The following NCALD variants were observed in gnomAD, a reference collection of about 807,000 sequenced individuals.
NCALD encodes the protein neurocalcin-delta.
A neutral mutation model predicts 18.6 loss-of-function variants in NCALD; 10 were observed. That is an observed-to-expected ratio of 0.54 (90% confidence interval 0.33 to 0.91). The LOEUF (loss-of-function observed/expected upper bound fraction) is 0.91, where lower values mean the gene tolerates loss of function less well. Ranked by LOEUF, NCALD falls within the 40% of genes least tolerant of loss-of-function variation. NCALD has a pLI of 0.03. For missense variants in NCALD, 184 were observed against 247.6 expected, an observed-to-expected ratio of 0.74 and a Z score of 1.72; for synonymous variants, 88 against 87.4, an observed-to-expected ratio of 1.01 and a Z score of -0.04.
intron 2 of NCALD, among the ~76,000 whole-genome samples, chr8:102,009,103 T>C (rs1402338477): frequency 6.6e-6 from 1 of 152,258 alleles, no homozygotes; most frequent in African/African-American, 2.4e-5. Context: ...TACTCCATTG[T>C]GGCTCAAATA....
intron 2 of NCALD, among the ~76,000 whole-genome samples, chr8:101,928,176 C>T (rs1001449281): frequency 2.0e-5 from 3 of 152,160 alleles, no homozygotes; most frequent in African/African-American, 4.8e-5. Flanking sequence ...TCTCAATGAT[C>T]GCGCGATGTA....
intron 4 of NCALD, among the ~76,000 whole-genome samples, chr8:101,814,536 T>G (rs1171376081): frequency 6.6e-6 from 1 of 152,006 alleles, no homozygotes; most frequent in East Asian, 1.9e-4. Flanking sequence ...GCATCATACT[T>G]AAGATGATAA....
chr8:101,905,383 C>G (rs1168892149), intron 3 of NCALD, among the ~76,000 whole-genome samples: 1 of 151,752 alleles, frequency 6.6e-6, no homozygotes, highest in East Asian at 1.9e-4. Context: ...TATTTCTTCC[C>G]TTCTCCAGCC....
intron 4 of NCALD, among the ~76,000 whole-genome samples, chr8:101,848,041 T>C (rs971052375): frequency 6.6e-6 from 1 of 151,926 alleles, no homozygotes; most frequent in African/African-American, 2.4e-5. Flanking sequence ...TAAAGAGACT[T>C]TGGGGGTTGA....
chr8:102,062,972 A>C (rs1823895042), intron 1 of NCALD, among the ~76,000 whole-genome samples: 1 of 152,194 alleles, frequency 6.6e-6, no homozygotes, highest in African/African-American at 2.4e-5. Flanking sequence ...TTTAAAGAAA[A>C]AAAAATCCTC....
chr8:102,007,179 T>C (rs1821744226), intron 2 of NCALD, among the ~76,000 whole-genome samples: 1 of 152,200 alleles, frequency 6.6e-6, no homozygotes, highest in African/African-American at 2.4e-5. Flanking sequence ...ATTGGTGAAA[T>C]CTGAATAGTC....
intron 2 of NCALD, among the ~76,000 whole-genome samples, chr8:101,943,881 C>CA (rs1269955265): frequency 1.3e-5 from 2 of 151,776 alleles, no homozygotes; most frequent in Admixed American, 6.6e-5. Flanking sequence ...GCGGAGGTTG[C>CA]AGTGAGCCGA....
At chr8:102,028,159 G>A (rs1207253472) in intron 1 of NCALD, among the ~76,000 whole-genome samples, 2 of 152,166 alleles carry the variant, frequency 1.3e-5, no homozygotes, top group Admixed American at 6.5e-5. Flanking sequence ...GTATTCAAGG[G>A]TGAAGTATCA....
intron 2 of NCALD, among the ~76,000 whole-genome samples, chr8:101,953,580 G>A (rs1159567692): frequency 6.6e-6 from 1 of 152,180 alleles, no homozygotes; most frequent in Non-Finnish European, 1.5e-5. Flanking sequence ...ATCTCAAGGG[G>A]GTCCTGCAAT....
chr8:101,928,522 T>A (rs754476824), intron 2 of NCALD, among the ~76,000 whole-genome samples: 8 of 152,134 alleles, frequency 5.3e-5, no homozygotes, highest in Non-Finnish European at 1.2e-4. Context: ...CATCAGAGAT[T>A]CCATGATGCT....
chr8:101,991,025 T>C (rs1247502438), intron 2 of NCALD, among the ~76,000 whole-genome samples: 1 of 152,206 alleles, frequency 6.6e-6, no homozygotes, highest in Non-Finnish European at 1.5e-5. Context: ...TGCTCCATCT[T>C]AGCTAGGCTC....
chr8:101,714,339 A>G lies in NCALD; in HGVS notation c.378+4913T>C, dbSNP rs1431198734. The stretch of plus-strand genomic sequence containing the variant: ...GTGCAAAAATCACAAGCTTTCCTAT[A>G]CACCAATAATACACAAACAGAGAGC... On this transcript the variant is annotated intron_variant, in intron 2 of 3. Transcript: ENST00000220931. 2.6e-5 allele frequency among the ~76,000 whole-genome samples: 4 copies of G among 152,312 alleles called. No homozygotes were observed. In the East Asian group the frequency reaches 7.7e-4, roughly 29 times the overall value.
intron 1 of NCALD, among the ~76,000 whole-genome samples, chr8:102,046,048 T>C (rs1400455325): frequency 6.6e-6 from 1 of 152,230 alleles, no homozygotes. Flanking sequence ...ACATTGTAAA[T>C]AAGCAACAGT....
intron 3 of NCALD, among the ~76,000 whole-genome samples, chr8:101,902,069 G>A (rs1344334375): frequency 6.6e-6 from 1 of 152,182 alleles, no homozygotes; most frequent in African/African-American, 2.4e-5. Flanking sequence ...GGGATTACAG[G>A]CGTGAGCCAT....
At chr8:101,989,676 T>C (rs1482182313) in intron 2 of NCALD, among the ~76,000 whole-genome samples, 2 of 152,206 alleles carry the variant, frequency 1.3e-5, no homozygotes, top group Non-Finnish European at 2.9e-5. Context: ...TTGCTGATGT[T>C]GTTCTGCTGA....
chr8:101,873,256 C>T (rs184912007), intron 4 of NCALD, among the ~76,000 whole-genome samples: 27 of 152,278 alleles, frequency 1.8e-4, no homozygotes, highest in Admixed American at 1.6e-3. Context: ...GAAAGGGCTC[C>T]CTCAGATTTT....
chr8:101,691,495 C>T lies in NCALD; in HGVS notation c.484+1296G>A, dbSNP rs1193888946. Reference sequence around the variant, plus strand: ...TCTGATCTTCTCCCATCCTTCAGCCCTATCCTGAAGAGCTGTCTGGACCTA... The same window carrying T: ...TCTGATCTTCTCCCATCCTTCAGCCTTATCCTGAAGAGCTGTCTGGACCTA... On this transcript the variant is annotated intron_variant, in intron 3 of 3. Coordinates refer to ENST00000220931, the MANE Select transcript of NCALD (RefSeq NM_032041.3). 190 of 985,260 alleles carry T rather than the reference C, an allele frequency of 1.9e-4. 1 individual carries two copies. The highest frequency in any genetic ancestry group is 3.7e-4 in the Admixed American group (6 of 16,266). The allele number at this position is 985,260 out of a possible 1,614,324, so 61.0% of individuals were successfully genotyped here. A position where few individuals can be genotyped will look rare whatever the true frequency, so the allele number is the denominator to read the frequency against.
chr8:101,863,187 T>A (rs1414373027), intron 4 of NCALD, among the ~76,000 whole-genome samples: 1 of 152,218 alleles, frequency 6.6e-6, no homozygotes, highest in Non-Finnish European at 1.5e-5. Flanking sequence ...TTCTCTTTCA[T>A]CTGGGAATCA....
At chr8:102,060,367 TCACC>T (rs1435844518) in intron 1 of NCALD, among the ~76,000 whole-genome samples, 3 of 152,176 alleles carry the variant, frequency 2.0e-5, no homozygotes, top group Non-Finnish European at 4.4e-5. Context: ...AGGGCATAGA[TCACC>T]CTGGATCTCT....
Sources: gnomAD v4.1 joint callset for allele counts (sites outside exome capture counted in the v4.1 genomes callset) on GRCh38, gnomAD v4.1.1 for gene constraint, MANE v1.5 for transcripts, NCBI Gene and HGNC (gene_info 2026-07-23, HGNC 2026-07-21) for gene names.